The following SEM1 variants were observed in gnomAD, a reference collection of about 807,000 sequenced individuals.
SEM1 encodes the protein 26S proteasome complex subunit SEM1.
A neutral mutation model predicts 12.7 loss-of-function variants in SEM1; 3 were observed. The ratio of observed to expected loss-of-function variants is 0.24; its 90% CI spans 0.11 to 0.61. SEM1 has a LOEUF of 0.61. Ranked by LOEUF, SEM1 falls within the 20% of genes least tolerant of loss-of-function variation. The pLI is 0.88. For synonymous variants in SEM1, 30 were observed against 27.8 expected (o/e 1.08, Z -0.25); for missense variants, 59 against 81.3 (o/e 0.73, Z 1.06).
At chr7:96,486,436 G>A (rs1470725850) in intron 1 of SEM1, 3 of 1,532,592 alleles carry the variant, frequency 2.0e-6, no homozygotes, top group Admixed American at 2.0e-5. Context: ...GAAGTTGAAG[G>A]TATTATCCTA....
intron 2 of SEM1, among the ~76,000 whole-genome samples, chr7:96,581,551 T>C (rs1042177132): frequency 1.3e-5 from 2 of 152,134 alleles, no homozygotes; most frequent in Non-Finnish European, 2.9e-5. Context: ...AATCTGTAAA[T>C]TACCTTGGGC....
At chr7:96,547,311 T>C (rs148668176) in intron 2 of SEM1, among the ~76,000 whole-genome samples, 53 of 152,298 alleles carry the variant, frequency 3.5e-4, no homozygotes, top group African/African-American at 1.2e-3. Context: ...AAAGATAGTC[T>C]CTTAAGTATG....
At chr7:96,634,493 G>T (rs1808367181) in intron 2 of SEM1, among the ~76,000 whole-genome samples, 1 of 151,272 alleles carries the variant, frequency 6.6e-6, no homozygotes, top group Admixed American at 6.6e-5. Flanking sequence ...CAGTGAATAT[G>T]GTAGACAAGA....
In SEM1 at chr7:96,630,319, C is replaced by T. The variant is rs533286066; in HGVS notation, c.171-7676G>A. 9.1e-4 allele frequency among the ~76,000 whole-genome samples: 139 copies of T among 152,240 alleles called. 2 individuals carry two copies. The highest frequency in any genetic ancestry group is 3.4e-3 in the Middle Eastern group (1 of 294). On this transcript the variant is annotated intron_variant, in intron 2 of 2. Coordinates refer to the SEM1 transcript ENST00000417009. ...TTCTACGTGGTATTCTAGTGTGCTG[C>T]GGCTGAGCTGGCACTCAAGCCACAA...
intron 2 of SEM1, among the ~76,000 whole-genome samples, chr7:96,623,658 T>A (rs1209885286): frequency 6.6e-6 from 1 of 151,296 alleles, no homozygotes; most frequent in Non-Finnish European, 1.5e-5. Context: ...CATTTTATTG[T>A]CTATATATGG....
intron 2 of SEM1, among the ~76,000 whole-genome samples, chr7:96,509,694 A>G (rs1563037735): frequency 6.6e-6 from 1 of 152,160 alleles, no homozygotes; most frequent in East Asian, 1.9e-4. Context: ...TATACATACA[A>G]TGGAATATTA....
chr7:96,576,832 T>A (rs1336489599), intron 2 of SEM1, among the ~76,000 whole-genome samples: 5 of 152,126 alleles, frequency 3.3e-5, no homozygotes, highest in Non-Finnish European at 5.9e-5. Context: ...AAATGATGGA[T>A]ACAGGCTGGG....
chr7:96,526,708 A>G (rs1200593323), intron 2 of SEM1, among the ~76,000 whole-genome samples: 1 of 152,096 alleles, frequency 6.6e-6, no homozygotes, highest in African/African-American at 2.4e-5. Flanking sequence ...GAGAAGCTGC[A>G]CATGACTCCC....
chr7:96,556,383 C>G lies in SEM1; in HGVS notation c.171-49685G>C, dbSNP rs531207933. ...CTTCAGGAGCTCTTGTAAGGCAGGC[C>G]TGGTGGTGACAAAATTTCTTAGCAT... On this transcript the variant is annotated intron_variant and NMD_transcript_variant, in intron 2 of 3. Coordinates refer to the SEM1 transcript ENST00000466986. Among the ~76,000 whole-genome samples, 544 of 152,022 alleles carry G rather than the reference C, an allele frequency of 3.6e-3. 1 individual carries two copies. Among genetic ancestry groups the G allele is most frequent in the African/African-American group, 0.012 (513 of 41,476 alleles).
Position 96,610,239 on chromosome 7 carries a change from A to G in SEM1, c.170+84559T>C, listed in dbSNP as rs376313752. ...CTCAGCCTCTCAAGTACCTGGGATT[A>G]CAGGTGCATGCCACCATGCCCAGCT... On this transcript the variant is annotated intron_variant and NMD_transcript_variant, in intron 2 of 3. Coordinates refer to the SEM1 transcript ENST00000466986. 1.1e-4 allele frequency among the ~76,000 whole-genome samples: 17 copies of G among 152,082 alleles called. No homozygotes were observed. In the East Asian group the frequency reaches 3.3e-3, roughly 30 times the overall value.
chr7:96,537,506 G>C (rs532008585), intron 2 of SEM1, among the ~76,000 whole-genome samples: 2 of 151,580 alleles, frequency 1.3e-5, no homozygotes, highest in African/African-American at 4.8e-5. Context: ...ACTTTTAAAA[G>C]ATAATTTTGC....
At chr7:96,592,033 C>T (rs951678113) in intron 2 of SEM1, among the ~76,000 whole-genome samples, 2 of 152,018 alleles carry the variant, frequency 1.3e-5, no homozygotes, top group Admixed American at 1.3e-4. Context: ...TAAAGAGGTG[C>T]TGACAAGAGG....
At chr7:96,590,103 A>G (rs560426845) in intron 2 of SEM1, among the ~76,000 whole-genome samples, 49 of 152,338 alleles carry the variant, frequency 3.2e-4, no homozygotes, top group African/African-American at 1.1e-3. Context: ...TATTTCCCCA[A>G]TATCAAAATT....
chr7:96,584,579 A>T (rs1464520881), intron 2 of SEM1, among the ~76,000 whole-genome samples: 1 of 151,596 alleles, frequency 6.6e-6, no homozygotes, highest in Non-Finnish European at 1.5e-5. Context: ...ACTTGGTTCC[A>T]TTCTCCCCGT....
rs142176074 is a variant in SEM1, at chr7:96,581,127, C to A, written c.171-74429G>T. Reference sequence around the variant, plus strand: ...GGTCTAACGTTTTAAGTCTTTAATCCGTCTTGAATTGATTTTTGTATAAGG... The same window carrying A: ...GGTCTAACGTTTTAAGTCTTTAATCAGTCTTGAATTGATTTTTGTATAAGG... On this transcript the variant is annotated intron_variant and NMD_transcript_variant, in intron 2 of 3. Transcript: ENST00000466986. Among the ~76,000 whole-genome samples the A allele has an allele frequency of 5.3e-3, 803 of 152,158 alleles. 11 individuals are homozygous for A. Among genetic ancestry groups the A allele is most frequent in the African/African-American group, 0.018 (767 of 41,510 alleles).
chr7:96,489,723 T>C (rs973328765), intron 1 of SEM1, among the ~76,000 whole-genome samples: 3 of 152,176 alleles, frequency 2.0e-5, no homozygotes, highest in East Asian at 1.9e-4. Context: ...AGGGGGCTGA[T>C]TGTAGCTCCA....
intron 1 of SEM1, among the ~76,000 whole-genome samples, chr7:96,700,800 G>C (rs1584873093): frequency 6.6e-6 from 1 of 152,004 alleles, no homozygotes; most frequent in Non-Finnish European, 1.5e-5. Flanking sequence ...TAATATCCTG[G>C]TTCACACCTC....
At chr7:96,650,993 A>G (rs1808961648) in intron 2 of SEM1, among the ~76,000 whole-genome samples, 1 of 152,176 alleles carries the variant, frequency 6.6e-6, no homozygotes. Flanking sequence ...GCAGTTACTC[A>G]TGGAGAAAAA....
chr7:96,577,941 GT>G (rs765802766), intron 2 of SEM1, among the ~76,000 whole-genome samples: 25 of 151,768 alleles, frequency 1.6e-4, no homozygotes, highest in Non-Finnish European at 3.7e-4. Context: ...TATAAAATAG[GT>G]ATGTTTAATT....
Sources: gnomAD v4.1 joint callset for allele counts (sites outside exome capture counted in the v4.1 genomes callset) on GRCh38, gnomAD v4.1.1 for gene constraint, MANE v1.5 for transcripts, NCBI Gene and HGNC (gene_info 2026-07-23, HGNC 2026-07-21) for gene names.